The following UBE2J2 variants were observed in gnomAD, a reference collection of about 807,000 sequenced individuals.
UBE2J2 encodes the protein ubiquitin conjugating enzyme E2 J2.
Under a neutral mutation model 28.6 loss-of-function variants are expected in UBE2J2, and 5 were observed. That is an observed-to-expected ratio of 0.17 (90% CI 0.09 to 0.37). The LOEUF is 0.37. Ranked by LOEUF, UBE2J2 falls within the 10% of genes least tolerant of loss-of-function variation. UBE2J2 has a pLI of 1.00. For missense variants in UBE2J2, 226 were observed against 338.9 expected, an observed-to-expected ratio of 0.67 and a Z score of 2.62; for synonymous variants, 138 against 139.7, an observed-to-expected ratio of 0.99 and a Z score of 0.09.
intron 3 of UBE2J2, 89 bp from the exon 4 acceptor site, chr1:1,257,399 C>CCG: frequency 1.7e-6 from 1 of 585,188 alleles, no homozygotes; most frequent in Non-Finnish European, 2.6e-6. Context: ...CGCCACCCCC[C>CCG]CCCCCCCCCT....
intron 2 of UBE2J2, among the ~76,000 whole-genome samples, chr1:1,264,108 C>T (rs1639714631): frequency 6.6e-6 from 1 of 152,180 alleles, no homozygotes; most frequent in South Asian, 2.1e-4. Flanking sequence ...GGGGCCGGCT[C>T]GGTACCCCCA....
At chr1:1,263,489 TCA>T in intron 2 of UBE2J2, 103 bp from the exon 3 acceptor site, 1 of 994,548 alleles carries the variant, frequency 1.0e-6, no homozygotes, top group Non-Finnish European at 1.6e-6. Flanking sequence ...AAAATTACAT[TCA>T]CATTCAGGCA....
At chr1:1,264,579 C>A (rs1286742596) in intron 2 of UBE2J2, among the ~76,000 whole-genome samples, 1 of 152,182 alleles carries the variant, frequency 6.6e-6, no homozygotes, top group Non-Finnish European at 1.5e-5. Flanking sequence ...CGAGACCAGC[C>A]TGGTCAACAT....
chr1:1,267,204 C>G (rs1557564862), intron 2 of UBE2J2, among the ~76,000 whole-genome samples: 1 of 152,110 alleles, frequency 6.6e-6, no homozygotes, highest in Non-Finnish European at 1.5e-5. Flanking sequence ...CACTTTATTT[C>G]TTACCAAATT....
At chr1:1,256,620 C>T (rs1226176342) in intron 5 of UBE2J2, among the ~76,000 whole-genome samples, 1 of 152,174 alleles carries the variant, frequency 6.6e-6, no homozygotes, top group Admixed American at 6.5e-5. Flanking sequence ...CGGTGGCTCA[C>T]GCCTGTAATC....
chr1:1,263,502 G>C lies in UBE2J2; in HGVS notation c.132-116C>G, dbSNP rs544947532. Reference sequence around the variant, plus strand: ...CCAAAATTACATTCACATTCAGGCAGTGAACAAATGAAGGTGAAATGTCAC... The same window carrying C: ...CCAAAATTACATTCACATTCAGGCACTGAACAAATGAAGGTGAAATGTCAC... On this transcript the variant is annotated intron_variant, in intron 2 of 6. Transcript: ENST00000349431. 4.4e-5 allele frequency: 39 copies of C among 890,388 alleles called. No homozygotes were observed. In the South Asian group the frequency reaches 5.0e-4, roughly 11 times the overall value. 55.2% of individuals were successfully genotyped at this position (890,388 alleles called of 1,614,324 possible).
chr1:1,256,243 A>G (rs1639164805), intron 5 of UBE2J2, 118 bp from the exon 6 acceptor site: 2 of 704,706 alleles, frequency 2.8e-6, no homozygotes, highest in East Asian at 5.3e-5. Flanking sequence ...AGCATTTAAT[A>G]AGCACACTCT....
intron 1 of UBE2J2, among the ~76,000 whole-genome samples, chr1:1,269,755 C>T (rs997571122): frequency 2.0e-5 from 3 of 152,174 alleles, no homozygotes; most frequent in African/African-American, 4.8e-5. Flanking sequence ...TGAGTCCCCG[C>T]GCCCAGCCAT....
Position 1,268,097 on chromosome 1 carries a change from G to A in UBE2J2, c.1-105C>T. 1 of 1,492,912 alleles carries A rather than the reference G, an allele frequency of 6.7e-7. No homozygotes were observed. The highest frequency in any genetic ancestry group is 1.2e-5 in the South Asian group (1 of 84,228). The allele number at this position is 1,492,912 out of a possible 1,614,324, so 92.5% of individuals were successfully genotyped here. A position where few individuals can be genotyped will look rare whatever the true frequency, so the allele number is the denominator to read the frequency against. On this transcript the variant is annotated intron_variant, in intron 1 of 6. Transcript: ENST00000349431. The surrounding 1 kb of genome is among the most constrained non-coding windows in gnomAD (Gnocchi z 4.7). ...CCTCTGCAGCCCGCCATTCATTCAG[G>A]GCCCGGTCACCCAGAGTCACAGCTC... is the stretch of plus-strand genomic sequence containing the variant.
intron 2 of UBE2J2, chr1:1,264,930 T>C (rs1230453411): frequency 2.6e-5 from 4 of 153,570 alleles, no homozygotes; most frequent in African/African-American, 7.2e-5. Flanking sequence ...GGATGACGTA[T>C]AGTAATGTAT....
rs369524079 is a variant in UBE2J2 at position 1,255,491 on chromosome 1, A to T, written c.496-4T>A. ...CTTTCTGTTTTTGTTTAATCTCCTA[A>T]GAGAAAAACAGCGAGAAAAGCAGCT... On this transcript the variant is annotated splice_polypyrimidine_tract_variant and splice_region_variant and intron_variant, in intron 6 of 6. Coordinates refer to ENST00000349431, the MANE Select transcript of UBE2J2 (RefSeq NM_058167.3). The T allele has an allele frequency of 1.9e-6, 3 of 1,601,346 alleles. No individual in the cohort carries two copies. The highest frequency in any genetic ancestry group is 2.6e-6 in the Non-Finnish European group (3 of 1,170,770).
At chr1:1,269,900 T>C (rs1640061446) in intron 1 of UBE2J2, among the ~76,000 whole-genome samples, 1 of 152,210 alleles carries the variant, frequency 6.6e-6, no homozygotes, top group African/African-American at 2.4e-5. Flanking sequence ...TGATATGCTT[T>C]GGCTATGTCC....
intron 1 of UBE2J2, among the ~76,000 whole-genome samples, chr1:1,272,374 G>C (rs1640197591): frequency 6.6e-6 from 1 of 152,224 alleles, no homozygotes; most frequent in South Asian, 2.1e-4. Flanking sequence ...GCTGTGCCCA[G>C]GTGCTGAGGC....
Position 1,255,042 on chromosome 1 carries a change from C to T in UBE2J2, c.*161G>A, listed in dbSNP as rs2101021911. Reference sequence around the variant, plus strand: ...CTGAGGCTCCAGTCTCCTCCAAAGCCCAGTCACACATTTTGGTTTTTGCTT... The same window carrying T: ...CTGAGGCTCCAGTCTCCTCCAAAGCTCAGTCACACATTTTGGTTTTTGCTT... On this transcript the variant is annotated 3_prime_UTR_variant, in exon 7 of 7. Transcript: ENST00000349431. 1.3e-6 allele frequency: 1 copy of T among 748,620 alleles called. No individual in the cohort carries two copies. Among genetic ancestry groups the T allele is most frequent in the East Asian group, 2.8e-5 (1 of 35,726 alleles). The allele number at this position is 748,620 out of a possible 1,614,324, so 46.4% of individuals were successfully genotyped here.
At chr1:1,259,211 A>G (rs569259173) in intron 3 of UBE2J2, among the ~76,000 whole-genome samples, 4 of 144,168 alleles carry the variant, frequency 2.8e-5, no homozygotes, top group East Asian at 2.1e-4. Context: ...GTGTGTGTGT[A>G]TGCCATCAGG....
At chr1:1,259,875 A>G (rs1472320693) in intron 3 of UBE2J2, among the ~76,000 whole-genome samples, 2 of 152,176 alleles carry the variant, frequency 1.3e-5, no homozygotes, top group Admixed American at 6.5e-5. Flanking sequence ...CCTGGACCCA[A>G]TAAAGGGTCG....
chr1:1,256,019 G>A (rs371444260), intron 6 of UBE2J2, 26 bp downstream of exon 6: 11 of 1,527,690 alleles, frequency 7.2e-6, no homozygotes. Context: ...GCAGGGGAAG[G>A]CGAAACCCAC....
At chr1:1,259,092 G>A (rs1350034774) in intron 3 of UBE2J2, among the ~76,000 whole-genome samples, 7 of 129,286 alleles carry the variant, frequency 5.4e-5, no homozygotes, top group Admixed American at 2.2e-4. Context: ...CAGGACGCAC[G>A]TGTGTGCATG....
At chr1:1,260,820 C>G (rs1241457758) in intron 3 of UBE2J2, among the ~76,000 whole-genome samples, 1 of 152,240 alleles carries the variant, frequency 6.6e-6, no homozygotes, top group Non-Finnish European at 1.5e-5. Context: ...TTTAACTGTT[C>G]TAGGTCCTTT....
Sources: gnomAD v4.1 joint callset for allele counts (sites outside exome capture counted in the v4.1 genomes callset) on GRCh38, gnomAD v4.1.1 for gene constraint, Gnocchi (gnomAD v3.1) non-coding constraint, MANE v1.5 for transcripts, NCBI Gene and HGNC (gene_info 2026-07-23, HGNC 2026-07-21) for gene names.